Variants in C8orf74 observed in about 807,000 individuals in gnomAD.
The protein encoded by C8orf74 is uncharacterized protein C8orf74.
A neutral mutation model predicts 22.2 loss-of-function variants in C8orf74; 29 were observed. That is an observed-to-expected ratio of 1.31 (90% confidence interval 0.97 to 1.78). The LOEUF (loss-of-function observed/expected upper bound fraction) is 1.78, where lower values mean the gene tolerates loss of function less well. C8orf74 is among the 40% of genes most tolerant of loss of function. The pLI, the probability that C8orf74 is intolerant of heterozygous loss-of-function variation, is 0.00. For missense variants in C8orf74, 515 were observed against 369.9 expected (o/e 1.39, Z -3.22); for synonymous variants, 255 against 163.1 (o/e 1.56, Z -4.30).
At chr8:10,691,477 AG>A (rs1799379994) in intron 2 of C8orf74, 1 of 157,730 alleles carries the variant, frequency 6.3e-6, no homozygotes, top group Non-Finnish European at 1.4e-5. Context: ...ATGCTCCGTC[AG>A]GCCAGGCCAG....
At chr8:10,673,415 G>A (rs181715410) in intron 1 of C8orf74, among the ~76,000 whole-genome samples, 4 of 152,196 alleles carry the variant, frequency 2.6e-5, no homozygotes, top group African/African-American at 7.2e-5. Context: ...TGGCCTGCCC[G>A]TGTGTCTGAA....
In C8orf74 at chr8:10,680,690, C is replaced by T. The variant is rs530218408; in HGVS notation, c.241+5852C>T. Among the ~76,000 whole-genome samples, 9 of 152,358 alleles carry T rather than the reference C, an allele frequency of 5.9e-5. 1 individual carries two copies. The highest frequency in any genetic ancestry group is 2.2e-4 in the African/African-American group (9 of 41,588). On this transcript the variant is annotated intron_variant, in intron 2 of 3. Transcript: ENST00000304519. ...ACCAGCTGCCCACACTCATGCTTGG[C>T]CCTGAGCACACAAGGGTGCCAGCCT...
At chr8:10,681,752 C>T (rs970071842) in intron 2 of C8orf74, among the ~76,000 whole-genome samples, 1 of 152,228 alleles carries the variant, frequency 6.6e-6, no homozygotes, top group Non-Finnish European at 1.5e-5. Flanking sequence ...CAGGAAGAAC[C>T]TTTGCATATG....
At chr8:10,677,988 T>C (rs1799067951) in intron 2 of C8orf74, among the ~76,000 whole-genome samples, 1 of 152,214 alleles carries the variant, frequency 6.6e-6, no homozygotes, top group Admixed American at 6.5e-5. Flanking sequence ...CCTCCTGAAA[T>C]CTGCTCAGCC....
chr8:10,691,733 C>G (rs1357230628), intron 2 of C8orf74: 1 of 152,316 alleles, frequency 6.6e-6, no homozygotes, highest in African/African-American at 2.4e-5. Context: ...TACCTCTCCA[C>G]CAGGTTCTTA....
chr8:10,676,753 C>A (rs1314082181), intron 2 of C8orf74, among the ~76,000 whole-genome samples: 2 of 152,174 alleles, frequency 1.3e-5, no homozygotes, highest in East Asian at 3.9e-4. Context: ...TTCAGGGTAT[C>A]CCTCAAGGCC....
chr8:10,690,984 G>C (rs536090114), intron 2 of C8orf74: 1 of 455,028 alleles, frequency 2.2e-6, no homozygotes, highest in Non-Finnish European at 4.4e-6. Flanking sequence ...CTGTCCGCCC[G>C]GCAGCCAGCG....
intron 3 of C8orf74, among the ~76,000 whole-genome samples, chr8:10,698,994 C>G (rs1273222977): frequency 6.6e-6 from 1 of 151,380 alleles, no homozygotes; most frequent in African/African-American, 2.4e-5. Context: ...TGGTGCTCAT[C>G]CAAGGATAAG....
At chr8:10,687,571 G>T (rs1303423872) in intron 2 of C8orf74, among the ~76,000 whole-genome samples, 6 of 131,906 alleles carry the variant, frequency 4.5e-5, no homozygotes, top group Non-Finnish European at 7.6e-5. Flanking sequence ...GAGTAAGATC[G>T]CTCCACTGCA....
At chr8:10,696,142 C>G (rs1387169130) in intron 2 of C8orf74, among the ~76,000 whole-genome samples, 1 of 151,902 alleles carries the variant, frequency 6.6e-6, no homozygotes, top group South Asian at 2.1e-4. Context: ...CTTCATGAAC[C>G]ACCTCCTCTG....
At chr8:10,697,290 T>G (rs1282933618) in intron 2 of C8orf74, among the ~76,000 whole-genome samples, 2 of 151,768 alleles carry the variant, frequency 1.3e-5, no homozygotes, top group Non-Finnish European at 2.9e-5. Flanking sequence ...ACAAAATTAG[T>G]CAGGTTTGGT....
intron 2 of C8orf74, among the ~76,000 whole-genome samples, chr8:10,683,472 G>A (rs964305370): frequency 5.9e-5 from 9 of 152,210 alleles, no homozygotes; most frequent in Admixed American, 6.5e-5. Flanking sequence ...GTATGAGGAT[G>A]GAGTAGCCAC....
intron 2 of C8orf74, among the ~76,000 whole-genome samples, chr8:10,686,383 T>G (rs1799262887): frequency 6.6e-6 from 1 of 152,222 alleles, no homozygotes; most frequent in African/African-American, 2.4e-5. Context: ...CCAAATGAGT[T>G]GATGGATAAT....
chr8:10,690,038 T>C (rs1013432026), intron 2 of C8orf74, among the ~76,000 whole-genome samples: 1 of 152,300 alleles, frequency 6.6e-6, no homozygotes, highest in African/African-American at 2.4e-5. Flanking sequence ...CTGTAACAGC[T>C]ACTGCAAAAC....
At chr8:10,699,254 T>TGGC (rs1799600049) in intron 3 of C8orf74, among the ~76,000 whole-genome samples, 1 of 152,060 alleles carries the variant, frequency 6.6e-6, no homozygotes, top group African/African-American at 2.4e-5. Flanking sequence ...CCCTGCCTGG[T>TGGC]GGAGCTGGTG....
At chr8:10,683,983 C>A (rs778274991) in intron 2 of C8orf74, among the ~76,000 whole-genome samples, 1 of 152,188 alleles carries the variant, frequency 6.6e-6, no homozygotes, top group Non-Finnish European at 1.5e-5. Context: ...CAAATCCCTG[C>A]GTGCTAAGGA....
At chr8:10,700,209 T>A (rs1391028267) in intron 3 of C8orf74, 26 bp from the exon 4 acceptor site, 1 of 1,505,228 alleles carries the variant, frequency 6.6e-7, no homozygotes, top group Non-Finnish European at 9.1e-7. Flanking sequence ...CCAGCCCTGC[T>A]CATCGGCCTT....
In C8orf74 at chr8:10,674,759, T is replaced by C; in HGVS notation, c.162T>C (p.Phe54=). ...ACACCCTCTACGAGAGCATCATCTT[T>C]GCAGTGGGCAAAGGCTTCCCATGGG... ...LLDTLYESII[F]AVGKGFPWVE... is the part of the protein sequence containing the mutation. Residue 54 remains phenylalanine (F), a synonymous_variant, in exon 2 of 4, where the codon TTT becomes TTC. Transcript: ENST00000304519. The C allele has an allele frequency of 6.2e-7, 1 of 1,607,300 alleles. No individual in the cohort carries two copies. The highest frequency in any genetic ancestry group is 1.3e-5 in the African/African-American group (1 of 74,894).
chr8:10,678,464 C>T (rs889937530), intron 2 of C8orf74, among the ~76,000 whole-genome samples: 10 of 152,280 alleles, frequency 6.6e-5, no homozygotes, highest in South Asian at 2.1e-4. Flanking sequence ...CCGCTTCAGA[C>T]GGGCCCTAGC....
Sources: allele counts gnomAD v4.1 joint callset (sites outside exome capture counted in the v4.1 genomes callset), GRCh38; gene constraint gnomAD v4.1.1; transcripts MANE v1.5; gene names NCBI Gene and HGNC (gene_info 2026-07-23, HGNC 2026-07-21).